GATA4: variants seen among roughly 807,000 people sequenced by gnomAD.
GATA4 encodes transcription factor GATA-4.
GATA4 carries 7 observed loss-of-function variants against 37.9 expected under a neutral mutation model. The observed-to-expected ratio is 0.18, with a 90% CI of 0.11 to 0.35. The LOEUF (loss-of-function observed/expected upper bound fraction) is 0.35. Ranked by LOEUF, GATA4 falls within the 10% of genes least tolerant of loss-of-function variation. GATA4 has a pLI of 1.00. For synonymous variants in GATA4, 372 were observed against 292.6 expected (o/e 1.27, Z -2.77); for missense variants, 647 against 653.0 (o/e 0.99, Z 0.10).
At chr8:11,700,049 C>A (rs938032614), upstream of GATA4, among the ~76,000 whole-genome samples, 5 of 152,218 alleles carry the variant, frequency 3.3e-5, no homozygotes, top group Non-Finnish European at 7.3e-5. Context: ...AGTACCTTAA[C>A]CTCTCTGAGC....
At chr8:11,685,078 G>A (rs990757015) in intron 1 of GATA4, among the ~76,000 whole-genome samples, 2 of 152,118 alleles carry the variant, frequency 1.3e-5, no homozygotes, top group East Asian at 3.9e-4. Flanking sequence ...ATTTGACAAG[G>A]ACGCACCAAA....
rs188739038 is a variant in GATA4 at position 11,725,463 on chromosome 8, G to T, written c.616+16535G>T. ...GCCTCCGGCTCCGGGCACACGCTGG[G>T]AAGTGGATGCCACTGCCAGGGAGGG... On this transcript the variant is annotated intron_variant, in intron 2 of 6. Transcript: ENST00000532059. 4.9e-3 allele frequency among the ~76,000 whole-genome samples: 746 copies of T among 152,382 alleles called. 8 individuals carry two copies. The highest frequency in any genetic ancestry group is 0.016 in the African/African-American group (659 of 41,588).
Position 11,709,027 on chromosome 8 carries a change from G to C in GATA4, c.616+99G>C. ...TTGTTTTTCCACCAACGCCTTCGTT[G>C]GGCTGGGGATGGTGCTTCACTACCT... On this transcript the variant is annotated intron_variant, in intron 2 of 6. Coordinates refer to ENST00000532059, the MANE Select transcript of GATA4 (RefSeq NM_001308093.3). This position sits in a 1 kb window ranked among gnomAD's most constrained non-coding sequence, Gnocchi z 4.3. 1 of 1,258,598 alleles carries C rather than the reference G, an allele frequency of 7.9e-7. No homozygotes were observed. 78.0% of individuals were successfully genotyped at this position (1,258,598 alleles called of 1,614,324 possible).
intron 4 of GATA4, among the ~76,000 whole-genome samples, chr8:11,753,691 A>T (rs1369185068): frequency 6.6e-6 from 1 of 152,048 alleles, no homozygotes. Context: ...GGGGGGTGCA[A>T]GTGCCACCCC....
intron 1 of GATA4, chr8:11,697,847 A>T: frequency 1.0e-6 from 1 of 985,352 alleles, no homozygotes; most frequent in South Asian, 4.7e-5. Flanking sequence ...CACGGGGCGG[A>T]GGAGGGAGCG....
intron 2 of GATA4, among the ~76,000 whole-genome samples, chr8:11,723,178 C>G (rs1215727601): frequency 6.6e-6 from 1 of 151,874 alleles, no homozygotes; most frequent in Non-Finnish European, 1.5e-5. Context: ...GAGAGCCTGT[C>G]TCTACAAAAT....
Position 11,758,413 on chromosome 8 carries a change from A to G in GATA4, c.1270A>G (p.Lys424Glu). 6.2e-7 allele frequency: 1 copy of G among 1,614,220 alleles called. No homozygotes were observed. The highest frequency in any genetic ancestry group is 8.5e-7 in the Non-Finnish European group (1 of 1,180,032). Residue 424 changes from lysine to glutamate, a missense_variant, in exon 7 of 7, where the codon AAG becomes GAG. Lys to Glu is a moderately conservative substitution (Grantham distance 56, BLOSUM62 1). Coordinates refer to ENST00000532059, the MANE Select transcript of GATA4 (RefSeq NM_001308093.3). ...CAGCCAGTCTCCACAGACCAGCTCC[A>G]AGCAGGACTCTTGGAACAGCCTGGT... ...PVSQSPQTSS[K>E]QDSWNSLVLA...
intron 2 of GATA4, among the ~76,000 whole-genome samples, chr8:11,731,252 C>T (rs1257715596): frequency 6.6e-6 from 1 of 152,168 alleles, no homozygotes; most frequent in South Asian, 2.1e-4. Flanking sequence ...TACATTTATT[C>T]CCAATGTTTA....
In GATA4 at chr8:11,757,473, G is replaced by C. The variant is rs374577368; in HGVS notation, c.1149+390G>C. On this transcript the variant is annotated intron_variant, in intron 6 of 6. Transcript: ENST00000532059. ...CCTGAATGAGACTGCGTGCTGGGGCGAGGGGAGGCGTGGTTGCGCTGTCGG... is the reference window on the plus strand; with the variant it reads ...CCTGAATGAGACTGCGTGCTGGGGCCAGGGGAGGCGTGGTTGCGCTGTCGG... Among the ~76,000 whole-genome samples the C allele has an allele frequency of 5.3e-5, 8 of 152,360 alleles. No homozygotes were observed. The South Asian group carries it at 1.4e-3, about 28-fold the overall frequency.
intron 1 of GATA4, chr8:11,697,422 C>G: frequency 2.6e-6 from 1 of 389,188 alleles, no homozygotes; most frequent in Non-Finnish European, 3.5e-6. Flanking sequence ...ACTGTTGTTA[C>G]AAGAAACCGA....
intron 1 of GATA4, chr8:11,681,450 C>G (rs1446875549): frequency 6.1e-6 from 6 of 982,874 alleles, no homozygotes; most frequent in East Asian, 2.3e-4. Flanking sequence ...CGCGCAGACG[C>G]CGGAATCCGG....
chr8:11,740,236 C>A (rs1454240678), intron 2 of GATA4, among the ~76,000 whole-genome samples: 2 of 152,142 alleles, frequency 1.3e-5, no homozygotes, highest in Non-Finnish European at 2.9e-5. Flanking sequence ...ACCTGTCAGC[C>A]GGGACACTAG....
upstream of GATA4, chr8:11,691,883 G>A (rs937235454): frequency 1.1e-5 from 3 of 280,844 alleles, no homozygotes; most frequent in African/African-American, 6.9e-5. Flanking sequence ...ACCTTTCCCA[G>A]TCCAGGGCTA....
At chr8:11,693,695 A>G (rs1369191361) in intron 1 of GATA4, among the ~76,000 whole-genome samples, 1 of 152,012 alleles carries the variant, frequency 6.6e-6, no homozygotes, top group Non-Finnish European at 1.5e-5. Context: ...GGAGGAGGTG[A>G]TGGAAACTAT....
chr8:11,726,916 C>G (rs4840579), intron 2 of GATA4, among the ~76,000 whole-genome samples: 3 of 151,924 alleles, frequency 2.0e-5, no homozygotes, highest in Admixed American at 1.3e-4. Context: ...CAGAGACTTC[C>G]GGAGTTTTCA....
At chr8:11,745,302 G>A (rs1801973610) in intron 2 of GATA4, among the ~76,000 whole-genome samples, 1 of 151,778 alleles carries the variant, frequency 6.6e-6, no homozygotes, top group Non-Finnish European at 1.5e-5. Context: ...GGGTGGACAT[G>A]GTGGCTCACG....
chr8:11,742,166 C>T (rs1358379217), intron 2 of GATA4, among the ~76,000 whole-genome samples: 3 of 152,198 alleles, frequency 2.0e-5, no homozygotes, highest in Admixed American at 1.3e-4. Flanking sequence ...GGAGGAGCCG[C>T]TGGGGCCCAG....
chr8:11,753,313 A>AT (rs1177646228), intron 4 of GATA4, among the ~76,000 whole-genome samples: 1 of 152,160 alleles, frequency 6.6e-6, no homozygotes, highest in African/African-American at 2.4e-5. Flanking sequence ...GGCTAGGGAA[A>AT]GGGGGAATGA....
chr8:11,692,086 G>A, upstream of GATA4: 1 of 983,308 alleles, frequency 1.0e-6, no homozygotes, highest in Non-Finnish European at 1.2e-6. Flanking sequence ...CGTAGAAAGG[G>A]AAGGTGACAG....
Sources: gnomAD v4.1 joint callset for allele counts (sites outside exome capture counted in the v4.1 genomes callset) on GRCh38, gnomAD v4.1.1 for gene constraint, Gnocchi (gnomAD v3.1) non-coding constraint, MANE v1.5 for transcripts, NCBI Gene and HGNC (gene_info 2026-07-23, HGNC 2026-07-21) for gene names.